The following RBFOX1 variants were observed in gnomAD, a reference collection of about 807,000 sequenced individuals.
The protein encoded by RBFOX1 is RNA binding fox-1 homolog 1.
Under a neutral mutation model 57.7 loss-of-function variants are expected in RBFOX1, and 8 were observed. The observed-to-expected ratio is 0.14, with a 90% CI of 0.08 to 0.25. RBFOX1 has a LOEUF of 0.25. Ranked by LOEUF, RBFOX1 falls within the 10% of genes least tolerant of loss-of-function variation. The probability of loss-of-function intolerance (pLI) is 1.00; values close to 1 mark genes in which losing one functional copy is unlikely to be tolerated. For synonymous variants in RBFOX1, 326 were observed against 222.4 expected, an observed-to-expected ratio of 1.47 and a Z score of -4.15; for missense variants, 611 against 548.5, an observed-to-expected ratio of 1.11 and a Z score of -1.14.
rs143968496 is a variant in RBFOX1, at chr16:6,245,886, T to C, written c.-126-71109T>C. On this transcript the variant is annotated intron_variant, in intron 1 of 15. Coordinates refer to ENST00000550418, the MANE Select transcript of RBFOX1 (RefSeq NM_018723.4). ...CGCTTGGTTTTGTTGAGACACAGAG[T>C]ATCTTATTCTCATGTCCTTATTCAT... Among the ~76,000 whole-genome samples, 1,025 of 152,248 alleles carry C rather than the reference T, an allele frequency of 6.7e-3. 5 individuals are homozygous for C. The highest frequency in any genetic ancestry group is 0.017 in the Middle Eastern group (5 of 294).
chr16:5,318,685 C>T (rs531886726), intron 1 of RBFOX1, among the ~76,000 whole-genome samples: 38 of 152,222 alleles, frequency 2.5e-4, no homozygotes, highest in Non-Finnish European at 5.4e-4. Context: ...TCAAGATTCT[C>T]AGCCCTGATG....
chr16:5,571,935 C>T (rs2046298073), intron 2 of RBFOX1, among the ~76,000 whole-genome samples: 1 of 152,220 alleles, frequency 6.6e-6, no homozygotes, highest in Admixed American at 6.5e-5. Context: ...GTGCCCGGCC[C>T]ATCTTTGTCT....
chr16:7,693,663 C>G (rs982046802), intron 14 of RBFOX1, among the ~76,000 whole-genome samples: 3 of 152,004 alleles, frequency 2.0e-5, no homozygotes, highest in East Asian at 1.9e-4. Context: ...AATCAGTGCT[C>G]TTATGGTAAA....
chr16:5,797,473 G>T (rs762749344), intron 3 of RBFOX1, among the ~76,000 whole-genome samples: 67 of 152,264 alleles, frequency 4.4e-4, no homozygotes, highest in Non-Finnish European at 9.3e-4. Flanking sequence ...GCTGTATCTG[G>T]CTTCCAGACC....
chr16:6,407,311 A>G (rs2795536), intron 2 of RBFOX1, among the ~76,000 whole-genome samples: 32,151 of 151,930 alleles, frequency 0.21, 5,889 homozygotes, highest in African/African-American at 0.49. Flanking sequence ...GTACATATAC[A>G]TTTTCTATAT....
chr16:6,772,638 G>C (rs560090969), intron 3 of RBFOX1, among the ~76,000 whole-genome samples: 2 of 144,600 alleles, frequency 1.4e-5, no homozygotes, highest in African/African-American at 5.5e-5. Flanking sequence ...AGTGTGGGGT[G>C]CATTTGTGTG....
At chr16:6,774,621 G>A (rs1031182975) in intron 3 of RBFOX1, among the ~76,000 whole-genome samples, 1 of 152,022 alleles carries the variant, frequency 6.6e-6, no homozygotes, top group African/African-American at 2.4e-5. Flanking sequence ...TCATCTATAG[G>A]AATTAATTGT....
chr16:6,580,200 G>C (rs2097515991), intron 2 of RBFOX1, among the ~76,000 whole-genome samples: 1 of 152,078 alleles, frequency 6.6e-6, no homozygotes, highest in Non-Finnish European at 1.5e-5. Flanking sequence ...CTCATAATCT[G>C]CCCTCCTCAG....
intron 5 of RBFOX1, among the ~76,000 whole-genome samples, chr16:7,565,262 G>C (rs146405029): frequency 1.0e-3 from 157 of 152,164 alleles, no homozygotes; most frequent in African/African-American, 3.7e-3. Flanking sequence ...TGGTATGCAT[G>C]ATTTTTCTTC....
chr16:6,940,763 AGTGTGTGTGTGTGTGTGTGTGTGTGT>A lies in RBFOX1; in HGVS notation c.-15-111271_-15-111246del, dbSNP rs61349150. 2.2e-4 allele frequency among the ~76,000 whole-genome samples: 25 copies of A among 114,472 alleles called. 1 individual carries two copies. The highest frequency in any genetic ancestry group is 2.0e-3 in the East Asian group (8 of 3,988). The allele number at this position is 114,472 out of a possible 152,430, so 75.1% of individuals were successfully genotyped here. A position where few individuals can be genotyped will look rare whatever the true frequency, so the allele number is the denominator to read the frequency against. On this transcript the variant is annotated intron_variant, in intron 3 of 15. Transcript: ENST00000550418. ...CAGGCGCCCGCCACCATGTCCCGCT[AGTGTGTGTGTGTGTGTGTGTGTGTGT>A]GTGTGTGTGTGTGTGTGTGTGTAGC...
At chr16:6,481,910 A>C (rs1378785669) in intron 2 of RBFOX1, among the ~76,000 whole-genome samples, 2 of 152,158 alleles carry the variant, frequency 1.3e-5, no homozygotes. Context: ...AAACACTCTT[A>C]ATGCACAGAA....
At chr16:6,901,773 G>C (rs999252761) in intron 3 of RBFOX1, among the ~76,000 whole-genome samples, 1 of 152,126 alleles carries the variant, frequency 6.6e-6, no homozygotes, top group Admixed American at 6.6e-5. Context: ...AACACTCATA[G>C]ATGAGATGGA....
At chr16:7,686,197 A>AC (rs1491316646) in intron 14 of RBFOX1, among the ~76,000 whole-genome samples, 2 of 152,082 alleles carry the variant, frequency 1.3e-5, no homozygotes, top group East Asian at 1.9e-4. Context: ...GAAAAAAAAA[A>AC]CAAGGAGTTT....
intron 2 of RBFOX1, among the ~76,000 whole-genome samples, chr16:6,373,552 C>T (rs112700560): frequency 5.0e-5 from 7 of 140,916 alleles, no homozygotes; most frequent in South Asian, 2.3e-4. Flanking sequence ...TCACAGGGTA[C>T]GAGGATTGTT....
chr16:6,503,846 T>C (rs1426487166), intron 2 of RBFOX1, among the ~76,000 whole-genome samples: 1 of 152,120 alleles, frequency 6.6e-6, no homozygotes, highest in Non-Finnish European at 1.5e-5. Context: ...TTTGTGGCCA[T>C]TGTTTGCATC....
chr16:6,141,748 G>C (rs566935520), intron 1 of RBFOX1, among the ~76,000 whole-genome samples: 4 of 151,622 alleles, frequency 2.6e-5, no homozygotes, highest in Non-Finnish European at 5.9e-5. Context: ...TGTAATTATT[G>C]TATGCTGATC....
chr16:6,719,293 G>C (rs548074234), intron 3 of RBFOX1, among the ~76,000 whole-genome samples: 33 of 151,996 alleles, frequency 2.2e-4, no homozygotes, highest in African/African-American at 7.7e-4. Flanking sequence ...CAGAAAAAAA[G>C]AGGAAAAAAT....
intron 4 of RBFOX1, among the ~76,000 whole-genome samples, chr16:7,423,540 A>G (rs2098567545): frequency 1.3e-5 from 2 of 152,100 alleles, no homozygotes; most frequent in South Asian, 4.2e-4. Flanking sequence ...TTCTGTCACC[A>G]TCTGTACTTT....
chr16:7,317,747 T>G (rs1288516966), intron 4 of RBFOX1, among the ~76,000 whole-genome samples: 4 of 152,168 alleles, frequency 2.6e-5, no homozygotes, highest in Non-Finnish European at 5.9e-5. Flanking sequence ...TGAAACAAAT[T>G]ACAAATCTTA....
Sources: gnomAD v4.1 joint callset for allele counts (sites outside exome capture counted in the v4.1 genomes callset) on GRCh38, gnomAD v4.1.1 for gene constraint, MANE v1.5 for transcripts, NCBI Gene and HGNC (gene_info 2026-07-23, HGNC 2026-07-21) for gene names.